The following BAZ2B variants were observed in gnomAD, a reference collection of about 807,000 sequenced individuals.
The protein encoded by BAZ2B is bromodomain adjacent to zinc finger domain protein 2B.
Under a neutral mutation model 246.0 loss-of-function variants are expected in BAZ2B, and 91 were observed. That is an observed-to-expected ratio of 0.37 (90% CI 0.31 to 0.44). The LOEUF (loss-of-function observed/expected upper bound fraction) is 0.44, where lower values mean the gene tolerates loss of function less well. BAZ2B is among the 20% of genes least tolerant of loss of function. The pLI is 1.00. For missense variants in BAZ2B, 2,332 were observed against 2,533.7 expected (o/e 0.92, Z 1.71); for synonymous variants, 855 against 860.0 (o/e 0.99, Z 0.10).
At chr2:159,392,426 T>C (rs2063460936) in intron 20 of BAZ2B, among the ~76,000 whole-genome samples, 2 of 152,098 alleles carry the variant, frequency 1.3e-5, no homozygotes, top group African/African-American at 2.4e-5. Flanking sequence ...ATATAACTTA[T>C]TATAGCATTT....
chr2:159,597,457 T>C (rs982018358), intron 1 of BAZ2B, among the ~76,000 whole-genome samples: 2 of 152,246 alleles, frequency 1.3e-5, no homozygotes, highest in Admixed American at 1.3e-4. Context: ...TTGAGTTCAT[T>C]ATGTCCTTGA....
intron 13 of BAZ2B, among the ~76,000 whole-genome samples, chr2:159,420,547 G>C (rs1445372265): frequency 6.6e-6 from 1 of 152,064 alleles, no homozygotes; most frequent in Non-Finnish European, 1.5e-5. Flanking sequence ...CTGGTTGAAA[G>C]AAATAAACTT....
At chr2:159,604,091 G>C (rs1445021425) in intron 1 of BAZ2B, among the ~76,000 whole-genome samples, 1 of 131,580 alleles carries the variant, frequency 7.6e-6, no homozygotes, top group South Asian at 2.5e-4. Flanking sequence ...TTAAAGAAAA[G>C]TCAAAGGACA....
At position 159,453,712 on chromosome 2, in the gene BAZ2B, G is replaced by C; in HGVS notation, c.235C>G (p.Leu79Val). ...GAATGCCCTGAGCTGGCTGAATGTA[G>C]ACCAAAGACTGGGTGGCTGACCATT... ...FPMVSHPVFG[L>V]HSASSGHSEF... Residue 79 changes from leucine to valine, a missense_variant, in exon 4 of 37, where the codon CTA (leucine) becomes GTA (valine). Transcript: ENST00000392783. 3.1e-6 allele frequency: 5 copies of C among 1,613,812 alleles called. No homozygotes were observed. In the East Asian group the frequency reaches 1.1e-4, roughly 36 times the overall value.
In BAZ2B at chr2:159,400,679, AT is replaced by A; in HGVS notation, c.2833-16del. The A allele has an allele frequency of 5.0e-6, 7 of 1,413,866 alleles. No homozygotes were observed. The highest frequency in any genetic ancestry group is 6.9e-6 in the Non-Finnish European group (7 of 1,013,322). 87.6% of individuals were successfully genotyped at this position (1,413,866 alleles called of 1,614,324 possible). Reference sequence around the variant, plus strand: ...TTAATTTTTTCCTGTAGGAAAAGTTATGATAACTTGAGATAATAAAATAAAC... The same window carrying A: ...TTAATTTTTTCCTGTAGGAAAAGTTAGATAACTTGAGATAATAAAATAAAC... On this transcript the variant is annotated splice_polypyrimidine_tract_variant and intron_variant, in intron 16 of 36. Coordinates refer to ENST00000392783, the MANE Select transcript of BAZ2B (RefSeq NM_013450.4).
At chr2:159,431,754 T>C (rs143182236) in intron 9 of BAZ2B, among the ~76,000 whole-genome samples, 2 of 152,198 alleles carry the variant, frequency 1.3e-5, no homozygotes, top group Admixed American at 1.3e-4. Flanking sequence ...CGTAGTTCTA[T>C]GTATGATGCA....
the BAZ2B span, among the ~76,000 whole-genome samples, chr2:159,659,602 A>T: frequency 6.6e-6 from 1 of 152,334 alleles, no homozygotes; most frequent in African/African-American, 2.4e-5. Flanking sequence ...TTCCTCTGAC[A>T]TCAAATGTCA....
the BAZ2B span, among the ~76,000 whole-genome samples, chr2:159,676,027 C>T: frequency 6.6e-6 from 1 of 152,178 alleles, no homozygotes; most frequent in Non-Finnish European, 1.5e-5. Context: ...TCCCGAGTAG[C>T]TGGGATTACA....
chr2:159,322,461 A>G (rs73006719), intron 36 of BAZ2B, among the ~76,000 whole-genome samples: 5,323 of 152,264 alleles, frequency 0.035, 305 homozygotes, highest in African/African-American at 0.12. Flanking sequence ...ATCTGTCTCT[A>G]TGGATTTATC....
chr2:159,433,019 G>T lies in BAZ2B; in HGVS notation c.1638C>A (p.Gly546=), dbSNP rs767922348. ...CAGAGGGCATTACAGGTGTCTGATT[G>T]CCAGGGGTTCTTCTCCCACTTGTAC... ...NLSTSGRRTP[G]NQTPVMPSAS... The change falls in exon 9 of 37, where the codon GGC becomes GGA. Residue 546 remains glycine (G), a synonymous_variant. Transcript: ENST00000392783. 1.2e-6 allele frequency: 2 copies of T among 1,614,160 alleles called. No homozygotes were observed. The highest frequency in any genetic ancestry group is 4.5e-5 in the East Asian group (2 of 44,874).
intron 3 of BAZ2B, among the ~76,000 whole-genome samples, chr2:159,475,543 C>CCTA (rs1254184997): frequency 2.6e-5 from 4 of 152,272 alleles, no homozygotes; most frequent in Middle Eastern, 6.8e-3. Context: ...CCCTCTGAAG[C>CCTA]CTACTTCTGT....
At chr2:159,663,192 T>TTTTTTTTTC in the BAZ2B span, among the ~76,000 whole-genome samples, 1 of 150,770 alleles carries the variant, frequency 6.6e-6, no homozygotes, top group Non-Finnish European at 1.5e-5. Context: ...TTGTTGTTGT[T>TTTTTTTTTC]TTTTTTTTCT....
intron 27 of BAZ2B, among the ~76,000 whole-genome samples, chr2:159,365,789 A>G (rs2060155182): frequency 1.3e-5 from 2 of 152,226 alleles, no homozygotes; most frequent in South Asian, 4.1e-4. Context: ...AACAGACCAC[A>G]TAGGTTGTCC....
intron 13 of BAZ2B, among the ~76,000 whole-genome samples, chr2:159,425,482 G>A (rs888545180): frequency 2.6e-5 from 4 of 152,012 alleles, no homozygotes; most frequent in African/African-American, 9.7e-5. Context: ...TGCCCGGCCT[G>A]TTTTTCACAT....
At chr2:159,693,190 T>A in the BAZ2B span, 1 of 38,170 alleles carries the variant, frequency 2.6e-5, no homozygotes, top group South Asian at 7.1e-4. Context: ...TAATTTTTTT[T>A]CTTTTTTTGT....
chr2:159,699,024 T>C, the BAZ2B span, among the ~76,000 whole-genome samples: 3 of 152,168 alleles, frequency 2.0e-5, no homozygotes, highest in African/African-American at 7.2e-5. Flanking sequence ...ATTTATTGAG[T>C]GCCTATAGCT....
Position 159,412,556 on chromosome 2 carries a change from A to C in BAZ2B, c.2467-11T>G. 1.3e-6 allele frequency: 2 copies of C among 1,599,488 alleles called. No homozygotes were observed. The highest frequency in any genetic ancestry group is 1.7e-6 in the Non-Finnish European group (2 of 1,171,010). On this transcript the variant is annotated splice_polypyrimidine_tract_variant and intron_variant, in intron 13 of 36. Coordinates refer to ENST00000392783, the MANE Select transcript of BAZ2B (RefSeq NM_013450.4). ...ACACCACTGCATTCCCTTTTAATTA[A>C]CATTTTATAGAAATAATATATTACA... is the stretch of plus-strand genomic sequence containing the variant.
the BAZ2B span, among the ~76,000 whole-genome samples, chr2:159,685,932 A>C: frequency 6.6e-5 from 10 of 152,274 alleles, no homozygotes; most frequent in Non-Finnish European, 1.5e-4. Context: ...ACTCCTTTCC[A>C]AAGAAAAGAA....
rs1260992916 is a variant in BAZ2B, at chr2:159,411,479, AAGT to A, written c.2677+853_2677+855del. Reference sequence around the variant, plus strand: ...ATAGGGATAATAAAAAACCCATGAGAAGTAGTAAAATTCTGTTAGATTTTTAAG... The same window carrying A: ...ATAGGGATAATAAAAAACCCATGAGAAGTAAAATTCTGTTAGATTTTTAAG... On this transcript the variant is annotated intron_variant, in intron 14 of 36. Transcript: ENST00000392783. 2.6e-5 allele frequency among the ~76,000 whole-genome samples: 4 copies of A among 152,204 alleles called. No homozygotes were observed. In the East Asian group the frequency reaches 7.7e-4, roughly 29 times the overall value.
Sources: gnomAD v4.1 joint callset for allele counts (sites outside exome capture counted in the v4.1 genomes callset) on GRCh38, gnomAD v4.1.1 for gene constraint, MANE v1.5 for transcripts, NCBI Gene and HGNC (gene_info 2026-07-23, HGNC 2026-07-21) for gene names.